The following ABCA5 variants were observed in gnomAD, a reference collection of about 807,000 sequenced individuals.
ABCA5 encodes the protein ATP binding cassette subfamily A member 5, also known as cholesterol transporter ABCA5.
ABCA5 carries 163 observed loss-of-function variants against 206.0 expected under a neutral mutation model. That is an observed-to-expected ratio of 0.79 (90% CI 0.70 to 0.90). The LOEUF is 0.90. Ranked by LOEUF, ABCA5 falls within the 40% of genes least tolerant of loss-of-function variation. ABCA5 has a pLI of 0.00. For missense variants in ABCA5, 1,859 were observed against 1,912.9 expected (o/e 0.97, Z 0.53); for synonymous variants, 609 against 613.8 (o/e 0.99, Z 0.11).
intron 1 of ABCA5, chr17:69,315,111 G>A (rs1481228806): frequency 1.3e-5 from 2 of 152,182 alleles, no homozygotes; most frequent in Non-Finnish European, 2.9e-5. Flanking sequence ...GTAGAAGGGG[G>A]AACAAATAGA....
chr17:69,310,883 A>G (rs896521461), intron 3 of ABCA5, among the ~76,000 whole-genome samples: 2 of 152,218 alleles, frequency 1.3e-5, no homozygotes, highest in Admixed American at 6.5e-5. Context: ...AAGTGAAGTA[A>G]CAAACATCAA....
intron 22 of ABCA5, among the ~76,000 whole-genome samples, chr17:69,269,165 C>A (rs1321411144): frequency 1.3e-5 from 2 of 152,066 alleles, no homozygotes; most frequent in Non-Finnish European, 2.9e-5. Context: ...GTTGTAAAAT[C>A]TTGTGTAATA....
intron 1 of ABCA5, among the ~76,000 whole-genome samples, chr17:69,319,511 C>A (rs561330701): frequency 6.6e-6 from 1 of 152,134 alleles, no homozygotes; most frequent in Non-Finnish European, 1.5e-5. Flanking sequence ...ACCATCCCAA[C>A]GCACACAAAC....
At chr17:69,279,689 A>G (rs1205218294) in intron 18 of ABCA5, among the ~76,000 whole-genome samples, 1 of 151,768 alleles carries the variant, frequency 6.6e-6, no homozygotes, top group African/African-American at 2.4e-5. Flanking sequence ...ACAGAGATAT[A>G]GATCAATGGA....
Position 69,270,622 on chromosome 17 carries a change from TGG to T in ABCA5, c.3019_3020del (p.Pro1007IlefsTer7). 2 of 1,588,746 alleles carry T rather than the reference TGG, an allele frequency of 1.3e-6. No individual in the cohort carries two copies. The highest frequency in any genetic ancestry group is 1.7e-6 in the Non-Finnish European group (2 of 1,171,196). On this transcript the variant is annotated frameshift_variant, in exon 22 of 39. Transcript: ENST00000392676. LOFTEE classifies it high-confidence loss of function. ...VTETIQIWST[P>X]FFQEITDIVF... The stretch of plus-strand genomic sequence containing the variant: ...ATATACATTGGCTTACTTGAAAGAA[TGG>T]GGTACTCCAGATCTGGATGGTTTCA...
intron 1 of ABCA5, among the ~76,000 whole-genome samples, chr17:69,323,912 G>C (rs962327138): frequency 6.6e-6 from 1 of 152,132 alleles, no homozygotes; most frequent in African/African-American, 2.4e-5. Context: ...CTTGTGACAT[G>C]CAAAAATTAT....
chr17:69,294,548 A>G (rs2075565533), intron 11 of ABCA5, 107 bp downstream of exon 11: 3 of 1,014,588 alleles, frequency 3.0e-6, no homozygotes, highest in East Asian at 2.5e-5. Flanking sequence ...AATAAAAGCA[A>G]GACAGAAAAT....
chr17:69,255,881 G>C (rs1034787351), intron 29 of ABCA5, 31 bp from the exon 30 acceptor site: 2 of 1,486,792 alleles, frequency 1.3e-6, no homozygotes, highest in Non-Finnish European at 1.8e-6. Flanking sequence ...TAAAAAGAAA[G>C]TTATAAAACT....
intron 34 of ABCA5, among the ~76,000 whole-genome samples, chr17:69,252,667 C>T (rs187784728): frequency 5.3e-5 from 8 of 151,900 alleles, no homozygotes; most frequent in Non-Finnish European, 7.4e-5. Flanking sequence ...GAAACCCTGT[C>T]TCTACCAAAA....
chr17:69,312,696 C>A (rs1255098174), intron 3 of ABCA5, among the ~76,000 whole-genome samples: 2 of 152,064 alleles, frequency 1.3e-5, no homozygotes, highest in African/African-American at 2.4e-5. Flanking sequence ...GGGATCCCCC[C>A]ACCTCAACTT....
Position 69,306,885 on chromosome 17 carries a change from C to T in ABCA5, c.628G>A (p.Val210Ile), listed in dbSNP as rs760562346. Residue 210 changes from valine to isoleucine, a missense_variant, in exon 6 of 39, where the codon GTT (valine) becomes ATT (isoleucine). By Grantham distance (29) the Val-to-Ile change is conservative. Coordinates refer to ENST00000392676, the MANE Select transcript of ABCA5 (RefSeq NM_172232.4). ...CGGGGAAAGGTATCTATTTCTACAACAGCAGTTTCTCCCATAATAACAGCT... is the reference window on the plus strand; with the variant it reads ...CGGGGAAAGGTATCTATTTCTACAATAGCAGTTTCTCCCATAATAACAGCT... ...TKAVIMGETA[V>I]VEIDTFPRGV... The T allele has an allele frequency of 6.3e-7, 1 of 1,595,714 alleles. No individual in the cohort carries two copies. Among genetic ancestry groups the T allele is most frequent in the Non-Finnish European group, 8.5e-7 (1 of 1,170,274 alleles).
rs1211618961 is a variant in ABCA5 at position 69,259,655 on chromosome 17, A to G, written c.3731+51T>C. ...AATTATGTTATGGTAATGGTTACAC[A>G]GTTCTGTAAATATACTAAAAACATT... On this transcript the variant is annotated intron_variant, in intron 28 of 38. Coordinates refer to ENST00000392676, the MANE Select transcript of ABCA5 (RefSeq NM_172232.4). 6 of 1,242,646 alleles carry G rather than the reference A, an allele frequency of 4.8e-6. No homozygotes were observed. The African/African-American group carries it at 7.6e-5, about 16-fold the overall frequency. 77.0% of individuals were successfully genotyped at this position (1,242,646 alleles called of 1,614,324 possible).
rs1376425078 is a variant in ABCA5, at chr17:69,301,228, G to A, written c.1178C>T (p.Pro393Leu). 6.2e-7 allele frequency: 1 copy of A among 1,602,772 alleles called. No individual in the cohort carries two copies. The highest frequency in any genetic ancestry group is 1.3e-5 in the African/African-American group (1 of 74,162). The change falls in exon 9 of 39, where the codon CCA becomes CTA. Residue 393 changes from proline to leucine, a missense_variant. Physicochemically the swap from Pro to Leu is moderately conservative, Grantham distance 98. Coordinates refer to ENST00000392676, the MANE Select transcript of ABCA5 (RefSeq NM_172232.4). Reference sequence around the variant, plus strand: ...GATAATTGTAATAATTAGAGGATATGGGCCTGCAGTCAAATTTGAAAATGA... The same window carrying A: ...GATAATTGTAATAATTAGAGGATATAGGCCTGCAGTCAAATTTGAAAATGA... ...GASFSNLTAGPYPLIITIIML... is the reference protein window; with the variant it reads ...GASFSNLTAGLYPLIITIIML...
chr17:69,282,602 T>C (rs960133379), intron 18 of ABCA5, among the ~76,000 whole-genome samples: 24 of 151,958 alleles, frequency 1.6e-4, no homozygotes, highest in African/African-American at 5.6e-4. Context: ...ACCCTGTCTC[T>C]ACTAAAAAAT....
In ABCA5 at chr17:69,263,580, G is replaced by A. The variant is rs535226528; in HGVS notation, c.3315+1155C>T. Among the ~76,000 whole-genome samples the A allele has an allele frequency of 2.9e-4, 44 of 151,882 alleles. No individual in the cohort carries two copies. The South Asian group carries it at 7.3e-3, about 25-fold the overall frequency. On this transcript the variant is annotated intron_variant, in intron 24 of 38. Transcript: ENST00000392676. ...TCTGGGTCCTCCATTCTGTTTCATC[G>A]GTCTACATGTCTGTTTTTGTACCAA...
intron 2 of ABCA5, 33 bp downstream of exon 2, chr17:69,314,281 C>T (rs1055958121): frequency 6.9e-7 from 1 of 1,443,680 alleles, no homozygotes; most frequent in African/African-American, 1.4e-5. Flanking sequence ...AAATAAACTG[C>T]AAAAAAGCAT....
chr17:69,310,985 A>C (rs1030715471), intron 3 of ABCA5, among the ~76,000 whole-genome samples: 1 of 152,068 alleles, frequency 6.6e-6, no homozygotes, highest in African/African-American at 2.4e-5. Flanking sequence ...CCAGGAGTAG[A>C]TTGCTTGAGA....
At chr17:69,261,030 G>A in intron 26 of ABCA5, 95 bp downstream of exon 26, 1 of 1,020,398 alleles carries the variant, frequency 9.8e-7, no homozygotes, top group South Asian at 1.7e-5. Context: ...TTAGCCCAAT[G>A]CATTTTACTG....
rs2075896768 is a variant in ABCA5, at chr17:69,326,350, A to G, written c.-16+702T>C. On this transcript the variant is annotated intron_variant, in intron 1 of 38. Transcript: ENST00000392676. This position sits in a 1 kb window ranked among gnomAD's most constrained non-coding sequence, Gnocchi z 4.8. ...GAAAGTAAACGTGGTTATTATCTTCATTATTTTCGGACTTATTTATTTAAA... is the reference window on the plus strand; with the variant it reads ...GAAAGTAAACGTGGTTATTATCTTCGTTATTTTCGGACTTATTTATTTAAA... Among the ~76,000 whole-genome samples, 1 of 152,186 alleles carries G rather than the reference A, an allele frequency of 6.6e-6. No homozygotes were observed. Among genetic ancestry groups the G allele is most frequent in the Non-Finnish European group, 1.5e-5 (1 of 68,028 alleles).
Sources: allele counts gnomAD v4.1 joint callset (sites outside exome capture counted in the v4.1 genomes callset), GRCh38; gene constraint gnomAD v4.1.1; non-coding constraint Gnocchi (gnomAD v3.1); transcripts MANE v1.5; gene names NCBI Gene and HGNC (gene_info 2026-07-23, HGNC 2026-07-21).